Variants in CDH20 observed in about 807,000 individuals in gnomAD.
CDH20 encodes the protein cadherin-20.
In CDH20, 29 loss-of-function variants were observed where a neutral mutation model predicts 74.2. That is an observed-to-expected ratio of 0.39 (90% CI 0.29 to 0.53). The LOEUF is 0.53. CDH20 is among the 20% of genes least tolerant of loss of function. The pLI is 0.69. For synonymous variants in CDH20, 469 were observed against 405.4 expected, an observed-to-expected ratio of 1.16 and a Z score of -1.88; for missense variants, 988 against 1,048.3, an observed-to-expected ratio of 0.94 and a Z score of 0.79.
intron 1 of CDH20, among the ~76,000 whole-genome samples, chr18:61,487,723 G>T (rs908760746): frequency 6.6e-6 from 1 of 152,140 alleles, no homozygotes; most frequent in Non-Finnish European, 1.5e-5. Context: ...CAACCTGACC[G>T]CCTACAAAAT....
chr18:61,401,651 T>C (rs1030951904), intron 1 of CDH20, among the ~76,000 whole-genome samples: 39 of 152,222 alleles, frequency 2.6e-4, no homozygotes, highest in Non-Finnish European at 5.6e-4. Context: ...TTCCTAATGT[T>C]GCAGACTAAT....
rs17068361 is a variant in CDH20, at chr18:61,478,760, G to A, written c.-152-11642G>A. 8.7e-3 allele frequency among the ~76,000 whole-genome samples: 1,328 copies of A among 152,110 alleles called. 20 individuals carry two copies. Among genetic ancestry groups the A allele is most frequent in the African/African-American group, 0.028 (1,152 of 41,494 alleles). On this transcript the variant is annotated intron_variant, in intron 1 of 11. Coordinates refer to ENST00000262717, the MANE Select transcript of CDH20 (RefSeq NM_031891.4). ...CAGATGAAGGTGGAGCTTAGTAAAC[G>A]GGAAAGTGGCAATAAAGAACGGGGG...
rs1452919003 is a variant in CDH20, at chr18:61,353,098, C to T, written c.-153+19271C>T. Among the ~76,000 whole-genome samples the T allele has an allele frequency of 6.6e-6, 1 of 152,196 alleles. No individual in the cohort carries two copies. Among genetic ancestry groups the T allele is most frequent in the East Asian group, 1.9e-4 (1 of 5,196 alleles). ...TTTTATGGCTACCCTGGTCACCTCCCCTGCAATCACCTCCATGATGTGTGC... is the reference window on the plus strand; with the variant it reads ...TTTTATGGCTACCCTGGTCACCTCCTCTGCAATCACCTCCATGATGTGTGC... On this transcript the variant is annotated intron_variant, in intron 1 of 11. Coordinates refer to ENST00000262717, the MANE Select transcript of CDH20 (RefSeq NM_031891.4). This position sits in a 1 kb window ranked among gnomAD's most constrained non-coding sequence, Gnocchi z 4.6.
chr18:61,533,264 G>A (rs949514743), intron 7 of CDH20, among the ~76,000 whole-genome samples: 1 of 152,244 alleles, frequency 6.6e-6, no homozygotes, highest in East Asian at 1.9e-4. Context: ...GTTTGGTCAT[G>A]CCACTGCACC....
chr18:61,466,855 A>G (rs1261882124), intron 1 of CDH20, among the ~76,000 whole-genome samples: 1 of 152,136 alleles, frequency 6.6e-6, no homozygotes, highest in Non-Finnish European at 1.5e-5. Flanking sequence ...CCCTCTTCCC[A>G]TGCCCTCCCC....
At position 61,364,329 on chromosome 18, in the gene CDH20, TTAGACCGA is replaced by T. The variant is rs1484339585; in HGVS notation, c.-153+30503_-153+30510del. ...GTGTTTGTTTGTTTGTTTGTTTGTT[TTAGACCGA>T]GTTTCGTTCTTGTTGCCCAGGCTGG... On this transcript the variant is annotated intron_variant, in intron 1 of 11. Coordinates refer to ENST00000262717, the MANE Select transcript of CDH20 (RefSeq NM_031891.4). Among the ~76,000 whole-genome samples the T allele has an allele frequency of 4.0e-3, 616 of 152,216 alleles. 2 individuals carry two copies. Among genetic ancestry groups the T allele is most frequent in the African/African-American group, 0.014 (587 of 41,504 alleles).
chr18:61,377,359 AG>A (rs1219444493), intron 1 of CDH20, among the ~76,000 whole-genome samples: 1 of 152,032 alleles, frequency 6.6e-6, no homozygotes, highest in Non-Finnish European at 1.5e-5. Flanking sequence ...GGAGAACAAC[AG>A]GGAGAAAACC....
chr18:61,537,750 G>A (rs1041039485), intron 8 of CDH20, among the ~76,000 whole-genome samples: 14 of 152,032 alleles, frequency 9.2e-5, no homozygotes, highest in African/African-American at 3.1e-4. Context: ...AAACACCACT[G>A]TTATAATGAA....
In CDH20 at chr18:61,427,492, T is replaced by A. The variant is rs28398447; in HGVS notation, c.-152-62910T>A. On this transcript the variant is annotated intron_variant, in intron 1 of 11. Transcript: ENST00000262717. ...ATGCTGTACTGAAAAGGTAGAGAAC[T>A]AACTACAAACGTGGTCTCAAACTTT... Among the ~76,000 whole-genome samples the A allele has an allele frequency of 6.6e-3, 1,001 of 152,256 alleles. 13 individuals carry two copies. The highest frequency in any genetic ancestry group is 0.023 in the African/African-American group (954 of 41,550).
chr18:61,458,853 T>C (rs1386892800), intron 1 of CDH20, among the ~76,000 whole-genome samples: 1 of 152,224 alleles, frequency 6.6e-6, no homozygotes, highest in Non-Finnish European at 1.5e-5. Flanking sequence ...GTAGCATAGA[T>C]TTGTTGCTTT....
chr18:61,473,084 G>C (rs1163626155), intron 1 of CDH20, among the ~76,000 whole-genome samples: 1 of 152,192 alleles, frequency 6.6e-6, no homozygotes, highest in Non-Finnish European at 1.5e-5. Context: ...CTCCCAGCAG[G>C]ATTCTATCAT....
chr18:61,434,071 C>A (rs538655839), intron 1 of CDH20, among the ~76,000 whole-genome samples: 75 of 152,006 alleles, frequency 4.9e-4, no homozygotes, highest in African/African-American at 1.7e-3. Context: ...CAGTAACAGC[C>A]CTTTATACTG....
intron 1 of CDH20, among the ~76,000 whole-genome samples, chr18:61,392,787 TAA>T (rs78892459): frequency 0.053 from 6,979 of 132,278 alleles, 412 homozygotes; most frequent in African/African-American, 0.15. Flanking sequence ...ATTACTATGG[TAA>T]AAAAAAAAAA....
chr18:61,396,750 C>G (rs1031405115), intron 1 of CDH20, among the ~76,000 whole-genome samples: 4 of 152,186 alleles, frequency 2.6e-5, no homozygotes, highest in Non-Finnish European at 5.9e-5. Flanking sequence ...ATTCCCTTTC[C>G]ATTCTGAGCC....
chr18:61,361,748 T>A (rs1010797917), intron 1 of CDH20, among the ~76,000 whole-genome samples: 1 of 152,084 alleles, frequency 6.6e-6, no homozygotes, highest in African/African-American at 2.4e-5. Context: ...TTATTTAAAA[T>A]TTTTTTTCAT....
chr18:61,422,682 C>T (rs978872390), intron 1 of CDH20, among the ~76,000 whole-genome samples: 1 of 151,652 alleles, frequency 6.6e-6, no homozygotes, highest in East Asian at 1.9e-4. Context: ...GATTACATGA[C>T]ATTTAATAAA....
chr18:61,412,574 C>CT (rs1912550642), intron 1 of CDH20, among the ~76,000 whole-genome samples: 1 of 152,080 alleles, frequency 6.6e-6, no homozygotes, highest in Non-Finnish European at 1.5e-5. Flanking sequence ...AGTCCAACAA[C>CT]CCATCTGCTG....
At chr18:61,428,708 G>C (rs149001159) in intron 1 of CDH20, among the ~76,000 whole-genome samples, 185 of 152,282 alleles carry the variant, frequency 1.2e-3, no homozygotes, top group African/African-American at 4.4e-3. Flanking sequence ...ACTCTGCATA[G>C]AATCACCACA....
intron 7 of CDH20, among the ~76,000 whole-genome samples, chr18:61,533,705 T>C (rs1912727592): frequency 6.6e-6 from 1 of 152,104 alleles, no homozygotes; most frequent in African/African-American, 2.4e-5. Flanking sequence ...CAGACCAACA[T>C]TGTGGAGCTT....
Sources: gnomAD v4.1 joint callset for allele counts (sites outside exome capture counted in the v4.1 genomes callset) on GRCh38, gnomAD v4.1.1 for gene constraint, Gnocchi (gnomAD v3.1) non-coding constraint, MANE v1.5 for transcripts, NCBI Gene and HGNC (gene_info 2026-07-23, HGNC 2026-07-21) for gene names.